Variants in RSRC1 observed in about 807,000 individuals in gnomAD.
RSRC1 encodes the protein serine/Arginine-related protein 53.
In RSRC1, 39 loss-of-function variants were observed where a neutral mutation model predicts 49.1. The observed-to-expected ratio is 0.79, with a 90% CI of 0.61 to 1.04. The LOEUF (loss-of-function observed/expected upper bound fraction) is 1.04. RSRC1 is among the 50% of genes least tolerant of loss of function. The pLI, the probability that RSRC1 is intolerant of heterozygous loss-of-function variation, is 0.00. For synonymous variants in RSRC1, 143 were observed against 130.8 expected, an observed-to-expected ratio of 1.09 and a Z score of -0.63; for missense variants, 388 against 402.4, an observed-to-expected ratio of 0.96 and a Z score of 0.31.
At chr3:158,476,556 T>C (rs1335532439) in intron 7 of RSRC1, among the ~76,000 whole-genome samples, 2 of 152,144 alleles carry the variant, frequency 1.3e-5, no homozygotes, top group Non-Finnish European at 2.9e-5. Context: ...AAACCACCTG[T>C]GCCTGTCCTC....
intron 5 of RSRC1, among the ~76,000 whole-genome samples, chr3:158,345,097 G>A (rs942103657): frequency 6.6e-6 from 1 of 151,746 alleles, no homozygotes; most frequent in Non-Finnish European, 1.5e-5. Flanking sequence ...GCATGGTGTC[G>A]GGCACCTGTA....
chr3:158,525,612 T>G (rs1285501759), intron 7 of RSRC1, among the ~76,000 whole-genome samples: 1 of 151,972 alleles, frequency 6.6e-6, no homozygotes, highest in Non-Finnish European at 1.5e-5. Context: ...ACATGAATGT[T>G]ATAGCAACCT....
intron 6 of RSRC1, among the ~76,000 whole-genome samples, chr3:158,373,217 C>T (rs1732174087): frequency 6.6e-6 from 1 of 151,644 alleles, no homozygotes; most frequent in African/African-American, 2.4e-5. Flanking sequence ...AACTGGATAC[C>T]TTTCATTTCT....
At chr3:158,414,399 G>A (rs890446920) in intron 6 of RSRC1, among the ~76,000 whole-genome samples, 2 of 151,942 alleles carry the variant, frequency 1.3e-5, no homozygotes, top group Non-Finnish European at 1.5e-5. Context: ...GGGGCCTGTC[G>A]GGGGTCAGGG....
At chr3:158,126,344 C>G (rs1293928055) in intron 3 of RSRC1, among the ~76,000 whole-genome samples, 1 of 151,396 alleles carries the variant, frequency 6.6e-6, no homozygotes, top group Admixed American at 6.6e-5. Flanking sequence ...TATTGACATG[C>G]TATGATTTTT....
At chr3:158,224,169 A>C (rs929274791) in intron 4 of RSRC1, among the ~76,000 whole-genome samples, 3 of 151,844 alleles carry the variant, frequency 2.0e-5, no homozygotes, top group African/African-American at 7.2e-5. Context: ...TAATGACTAA[A>C]TATGTCACTT....
intron 3 of RSRC1, among the ~76,000 whole-genome samples, chr3:158,167,482 T>C (rs1483838662): frequency 2.0e-5 from 3 of 152,210 alleles, no homozygotes. Context: ...TGAACCACTG[T>C]GCCCAGGTAT....
intron 6 of RSRC1, among the ~76,000 whole-genome samples, chr3:158,417,815 G>A (rs1187620391): frequency 1.3e-5 from 2 of 150,654 alleles, no homozygotes; most frequent in African/African-American, 4.9e-5. Flanking sequence ...CTATAGCAAA[G>A]TAATAAAATG....
intron 7 of RSRC1, among the ~76,000 whole-genome samples, chr3:158,535,562 C>A (rs964567869): frequency 6.6e-6 from 1 of 151,264 alleles, no homozygotes; most frequent in East Asian, 1.9e-4. Flanking sequence ...AAATATTATT[C>A]TCCATTATAA....
Position 158,110,160 on chromosome 3 carries a change from A to G in RSRC1, c.-66A>G, listed in dbSNP as rs890575189. The G allele has an allele frequency of 1.3e-5, 2 of 152,268 alleles. No individual in the cohort carries two copies. The highest frequency in any genetic ancestry group is 2.9e-5 in the Non-Finnish European group (2 of 68,078). The allele number at this position is 152,268 out of a possible 1,614,324, so 9.4% of individuals were successfully genotyped here. A position where few individuals can be genotyped will look rare whatever the true frequency, so the allele number is the denominator to read the frequency against. On this transcript the variant is annotated 5_prime_UTR_variant, in exon 1 of 10. Transcript: ENST00000611884. ...GCCGGCGGCGCCCTGATCTAAAGAA[A>G]CGACTCAGGGACTGCGGCGCTTGCA...
chr3:158,283,239 T>C (rs553145929), intron 4 of RSRC1, among the ~76,000 whole-genome samples: 5 of 152,282 alleles, frequency 3.3e-5, no homozygotes, highest in Admixed American at 3.3e-4. Flanking sequence ...AAATGTGAGC[T>C]GAATGTAGAC....
At chr3:158,359,795 A>T (rs1731369408) in intron 6 of RSRC1, among the ~76,000 whole-genome samples, 1 of 152,050 alleles carries the variant, frequency 6.6e-6, no homozygotes, top group Non-Finnish European at 1.5e-5. Context: ...TTCCCTATTC[A>T]TTGGATCCTG....
chr3:158,185,372 G>A (rs1719867660), intron 3 of RSRC1, among the ~76,000 whole-genome samples: 1 of 151,764 alleles, frequency 6.6e-6, no homozygotes, highest in Non-Finnish European at 1.5e-5. Context: ...TCATTATCCA[G>A]TTTTATTTTG....
At chr3:158,443,911 A>G (rs1285354957) in intron 6 of RSRC1, among the ~76,000 whole-genome samples, 1 of 152,092 alleles carries the variant, frequency 6.6e-6, no homozygotes, top group Non-Finnish European at 1.5e-5. Flanking sequence ...GGGAACAGAG[A>G]GGTACAGGGA....
At chr3:158,476,866 A>T (rs1738389683) in intron 7 of RSRC1, among the ~76,000 whole-genome samples, 1 of 152,166 alleles carries the variant, frequency 6.6e-6, no homozygotes, top group Non-Finnish European at 1.5e-5. Context: ...GTAAATTGAA[A>T]ACCTTCTGGA....
At chr3:158,330,232 C>A (rs942551922) in intron 5 of RSRC1, among the ~76,000 whole-genome samples, 1 of 152,194 alleles carries the variant, frequency 6.6e-6, no homozygotes, top group Non-Finnish European at 1.5e-5. Flanking sequence ...GTGGACTGCA[C>A]CCACTGTCCT....
intron 6 of RSRC1, among the ~76,000 whole-genome samples, chr3:158,370,642 T>G (rs1252103412): frequency 6.6e-6 from 1 of 151,946 alleles, no homozygotes; most frequent in Non-Finnish European, 1.5e-5. Flanking sequence ...GTTTGTTTAT[T>G]CATTCAGCAG....
intron 7 of RSRC1, among the ~76,000 whole-genome samples, chr3:158,530,810 G>T (rs1378548042): frequency 6.6e-6 from 1 of 150,604 alleles, no homozygotes; most frequent in African/African-American, 2.4e-5. Flanking sequence ...CACCACTGAG[G>T]GTGCAGCGCA....
intron 5 of RSRC1, among the ~76,000 whole-genome samples, chr3:158,337,169 T>C (rs546061088): frequency 2.6e-5 from 4 of 152,268 alleles, no homozygotes; most frequent in African/African-American, 9.6e-5. Flanking sequence ...GTTGTAGGAG[T>C]GTCCCGCTTC....
Sources: gnomAD v4.1 joint callset for allele counts (sites outside exome capture counted in the v4.1 genomes callset) on GRCh38, gnomAD v4.1.1 for gene constraint, MANE v1.5 for transcripts, NCBI Gene and HGNC (gene_info 2026-07-23, HGNC 2026-07-21) for gene names.